Variants in TPTE observed in about 807,000 individuals in gnomAD.
TPTE encodes the protein putative tyrosine-protein phosphatase TPTE.
A neutral mutation model predicts 84.1 loss-of-function variants in TPTE; 59 were observed. The ratio of observed to expected loss-of-function variants is 0.70; its 90% CI spans 0.57 to 0.87. The LOEUF (loss-of-function observed/expected upper bound fraction) is 0.87, where lower values mean the gene tolerates loss of function less well. Among genes scored for constraint, TPTE ranks in the 40% least tolerant of loss-of-function variants. The pLI is 0.00. For missense variants in TPTE, 382 were observed against 659.6 expected (o/e 0.58, Z 4.61); for synonymous variants, 130 against 223.5 (o/e 0.58, Z 3.73).
chr21:10,576,057 C>T lies in TPTE; in HGVS notation c.796-1403C>T, dbSNP rs370489181. ...CTAGAGGCAGAAATACCATCAGACC[C>T]AGCAATCCCATTATGGGGTATATAC... On this transcript the variant is annotated intron_variant, in intron 14 of 23. Transcript: ENST00000618007. Among the ~76,000 whole-genome samples the T allele has an allele frequency of 4.6e-5, 7 of 152,412 alleles. No homozygotes were observed. In the East Asian group the frequency reaches 9.6e-4, roughly 21 times the overall value.
chr21:10,573,949 T>C (rs1344321900), intron 14 of TPTE, among the ~76,000 whole-genome samples: 1 of 152,310 alleles, frequency 6.6e-6, no homozygotes, highest in Non-Finnish European at 1.5e-5. Context: ...CAATGCAAAT[T>C]ACACTACCAG....
At chr21:10,603,406 G>T (rs796607051) in intron 22 of TPTE, among the ~76,000 whole-genome samples, 156 bp from the exon 23 acceptor site, 1 of 152,310 alleles carries the variant, frequency 6.6e-6, no homozygotes. Context: ...CCTCCTTTGT[G>T]TCTTGAGTGT....
intron 5 of TPTE, among the ~76,000 whole-genome samples, chr21:10,541,962 C>T (rs1262356586): frequency 1.3e-5 from 2 of 152,310 alleles, no homozygotes; most frequent in Admixed American, 1.3e-4. Flanking sequence ...GCCCCTGTGT[C>T]AGACCTCTAG....
chr21:10,526,100 TATTC>T (rs1173772855), intron 2 of TPTE, among the ~76,000 whole-genome samples: 1 of 152,310 alleles, frequency 6.6e-6, no homozygotes, highest in Non-Finnish European at 1.5e-5. Flanking sequence ...ACAATCCAAT[TATTC>T]ATCCTGCTGA....
chr21:10,532,546 T>G (rs1600856947), intron 3 of TPTE, among the ~76,000 whole-genome samples: 1 of 152,308 alleles, frequency 6.6e-6, no homozygotes, highest in Non-Finnish European at 1.5e-5. Flanking sequence ...TCCATAGACT[T>G]TGCCATGTGT....
chr21:10,547,232 A>T (rs558488320), intron 7 of TPTE, among the ~76,000 whole-genome samples: 9 of 151,976 alleles, frequency 5.9e-5, no homozygotes, highest in African/African-American at 2.2e-4. Context: ...ACAAGAAAGA[A>T]CCGAGGCAAG....
At chr21:10,531,535 C>A (rs930235848) in intron 3 of TPTE, among the ~76,000 whole-genome samples, 1 of 152,308 alleles carries the variant, frequency 6.6e-6, no homozygotes, top group Non-Finnish European at 1.5e-5. Context: ...CTCAGGTATC[C>A]CTTATGGCAA....
At chr21:10,567,643 A>G (rs1289301236) in intron 10 of TPTE, 27 bp from the exon 11 acceptor site, 1 of 1,608,942 alleles carries the variant, frequency 6.2e-7, no homozygotes, top group South Asian at 1.1e-5. Flanking sequence ...GGGGGAATGA[A>G]CTTATTTTTT....
intron 7 of TPTE, among the ~76,000 whole-genome samples, chr21:10,545,782 T>C (rs2074455505): frequency 6.6e-6 from 1 of 151,738 alleles, no homozygotes; most frequent in African/African-American, 2.4e-5. Flanking sequence ...TCTATATACA[T>C]GTCTACATAT....
At chr21:10,548,573 A>G (rs1340600350) in intron 7 of TPTE, among the ~76,000 whole-genome samples, 33 of 152,402 alleles carry the variant, frequency 2.2e-4, no homozygotes, top group Admixed American at 2.0e-4. Flanking sequence ...GAATAGCTCT[A>G]TGGACTACCC....
At chr21:10,528,910 G>T in intron 3 of TPTE, among the ~76,000 whole-genome samples, 1 of 152,308 alleles carries the variant, frequency 6.6e-6, no homozygotes, top group East Asian at 1.9e-4. Flanking sequence ...TTTCTGGCTG[G>T]GCATGGTGGC....
intron 3 of TPTE, among the ~76,000 whole-genome samples, chr21:10,529,333 G>T (rs2074136761): frequency 6.6e-6 from 1 of 152,310 alleles, no homozygotes; most frequent in East Asian, 1.9e-4. Context: ...ATAGGAAGAT[G>T]ATGCAAAGAT....
At chr21:10,577,174 ATTAC>A (rs1324716902) in intron 14 of TPTE, among the ~76,000 whole-genome samples, 4 of 152,310 alleles carry the variant, frequency 2.6e-5, no homozygotes, top group East Asian at 1.9e-4. Flanking sequence ...TTTAGAACAA[ATTAC>A]TTAAAGTTAG....
chr21:10,586,078 A>G (rs550773151), intron 17 of TPTE, among the ~76,000 whole-genome samples: 342 of 151,764 alleles, frequency 2.3e-3, no homozygotes, highest in African/African-American at 7.9e-3. Flanking sequence ...TATTTCATCA[A>G]TTACTATTAT....
chr21:10,567,085 G>A (rs1435382623), intron 10 of TPTE, among the ~76,000 whole-genome samples: 2 of 148,970 alleles, frequency 1.3e-5, no homozygotes, highest in Non-Finnish European at 2.9e-5. Flanking sequence ...AACATCACAT[G>A]TTCTCACTTA....
intron 3 of TPTE, among the ~76,000 whole-genome samples, chr21:10,531,989 C>G (rs1416211741): frequency 6.6e-6 from 1 of 152,304 alleles, no homozygotes; most frequent in Admixed American, 6.5e-5. Flanking sequence ...TCTCTGAGCT[C>G]AATATTTTGG....
chr21:10,605,423 T>G lies in TPTE; in HGVS notation c.1527T>G (p.Tyr509Ter). 1 of 1,614,028 alleles carries G rather than the reference T, an allele frequency of 6.2e-7. No homozygotes were observed. The highest frequency in any genetic ancestry group is 8.5e-7 in the Non-Finnish European group (1 of 1,179,928). Residue 509 changes from tyrosine (Y) to a stop codon, truncating the protein, a stop_gained, in exon 24 of 24, where the codon TAT becomes TAG. Coordinates refer to ENST00000618007, the MANE Select transcript of TPTE (RefSeq NM_199261.4). LOFTEE classifies it high-confidence loss of function. ...AATTTTTTTCTATTCTTAGGCTTTATCTACCAAAAAATGAATTGGATAATC... is the reference window on the plus strand; with the variant it reads ...AATTTTTTTCTATTCTTAGGCTTTAGCTACCAAAAAATGAATTGGATAATC... ...HTSFIENNRL[Y>*]LPKNELDNLH...
At chr21:10,551,955 C>G (rs1292558971) in intron 7 of TPTE, among the ~76,000 whole-genome samples, 1 of 152,312 alleles carries the variant, frequency 6.6e-6, no homozygotes, top group African/African-American at 2.4e-5. Flanking sequence ...ATGGCTTCAC[C>G]ACTTAATCCT....
intron 23 of TPTE, among the ~76,000 whole-genome samples, chr21:10,603,842 G>C (rs1400112547): frequency 6.6e-6 from 1 of 152,312 alleles, no homozygotes; most frequent in African/African-American, 2.4e-5. Flanking sequence ...GTATCCTCAG[G>C]GTCCATGCCA....
Sources: gnomAD v4.1 joint callset for allele counts (sites outside exome capture counted in the v4.1 genomes callset) on GRCh38, gnomAD v4.1.1 for gene constraint, MANE v1.5 for transcripts, NCBI Gene and HGNC (gene_info 2026-07-23, HGNC 2026-07-21) for gene names.